TTN: variants seen among roughly 807,000 people sequenced by gnomAD.
TTN encodes the protein connectin.
In TTN, 1,525 loss-of-function variants were observed where a neutral mutation model predicts 3,223.0. That is an observed-to-expected ratio of 0.47 (90% CI 0.45 to 0.49). TTN has a LOEUF of 0.49. Among genes scored for constraint, TTN ranks in the 20% least tolerant of loss-of-function variants. The pLI is 0.00. For synonymous variants in TTN, 14,094 were observed against 15,161.0 expected (o/e 0.93, Z 5.17); for missense variants, 40,786 against 43,424.0 (o/e 0.94, Z 5.40).
chr2:178,562,788 A>G lies in TTN; in HGVS notation c.83344T>C (p.Ser27782Pro). Residue 27782 changes from serine to proline, a missense_variant, in exon 326 of 363, where the codon TCA (serine) becomes CCA (proline). Ser to Pro is a moderately conservative substitution (Grantham distance 74). Transcript: ENST00000589042. ...GGTGGTTCCCAGGACAACGTCACTGAGTCTTTCTTCACTTCTCTTATGGTC... is the reference window on the plus strand; with the variant it reads ...GGTGGTTCCCAGGACAACGTCACTGGGTCTTTCTTCACTTCTCTTATGGTC... Reference protein sequence around the residue: ...NLTIREVKKDSVTLSWEPPLI... With the variant: ...NLTIREVKKDPVTLSWEPPLI... 1 of 1,613,352 alleles carries G rather than the reference A, an allele frequency of 6.2e-7. No homozygotes were observed. Among genetic ancestry groups the G allele is most frequent in the South Asian group, 1.1e-5 (1 of 91,056 alleles).
rs756159925 is a variant in TTN, at chr2:178,751,000, T to G, written c.11311+2124A>C. Reference sequence around the variant, plus strand: ...TCATTCTTATTTCAGTCTGGAAAATTTCTTCATCAACAATAGTTTGAAAGC... The same window carrying G: ...TCATTCTTATTTCAGTCTGGAAAATGTCTTCATCAACAATAGTTTGAAAGC... On this transcript the variant is annotated intron_variant, in intron 47 of 362. Coordinates refer to ENST00000589042, the MANE Select transcript of TTN (RefSeq NM_001267550.2). 28 of 1,612,476 alleles carry G rather than the reference T, an allele frequency of 1.7e-5. No homozygotes were observed. The East Asian group carries it at 5.8e-4, about 33-fold the overall frequency.
Position 178,528,970 on chromosome 2 carries a change from G to T in TTN, c.106781C>A (p.Thr35594Asn), listed in dbSNP as rs756850637. 5.0e-6 allele frequency: 8 copies of T among 1,613,840 alleles called. No homozygotes were observed. The highest frequency in any genetic ancestry group is 6.8e-6 in the Non-Finnish European group (8 of 1,179,880). The change falls in exon 360 of 363, where the codon ACT (threonine) becomes AAT (asparagine). Residue 35594 changes from threonine (T) to asparagine (N), a missense_variant. By Grantham distance (65) the Thr-to-Asn change is moderately conservative. Transcript: ENST00000589042. ...TTCTTCTGATGCCTGTGATGTTTTAGTGATTTCCTCATGGACAATGGATTT... is the reference window on the plus strand; with the variant it reads ...TTCTTCTGATGCCTGTGATGTTTTATTGATTTCCTCATGGACAATGGATTT... ...LEKSIVHEEI[T>N]KTSQASEEVR...
rs756519457 is a variant in TTN at position 178,571,837 on chromosome 2, C to G, written c.74295G>C (p.Glu24765Asp). The G allele has an allele frequency of 1.9e-6, 3 of 1,613,440 alleles. No individual in the cohort carries two copies. The highest frequency in any genetic ancestry group is 3.3e-5 in the Admixed American group (2 of 59,978). Residue 24765 changes from glutamate (E) to aspartate (D), a missense_variant, in exon 326 of 363, where the codon GAG becomes GAC. Glu to Asp is a conservative substitution (Grantham distance 45). Transcript: ENST00000589042. Reference sequence around the variant, plus strand: ...TCAGTAGTGAATTATTTTCTGTGCTCTCTGCATTTACTCTAGTTGTCTGCT... The same window carrying G: ...TCAGTAGTGAATTATTTTCTGTGCTGTCTGCATTTACTCTAGTTGTCTGCT... ...PLKQTTRVNA[E>D]STENNSLLTI...
In TTN at chr2:178,730,075, G is replaced by A. The variant is rs1560781386; in HGVS notation, c.18307+18C>T. 1.9e-6 allele frequency: 3 copies of A among 1,604,380 alleles called. No individual in the cohort carries two copies. Among genetic ancestry groups the A allele is most frequent in the Admixed American group, 3.5e-5 (2 of 57,762 alleles). ...AAATCTAGACAAGCAAGAAAGTGAG[G>A]AGATGTAGAGACCAGACCTTTTACA... On this transcript the variant is annotated intron_variant, in intron 62 of 362. Coordinates refer to ENST00000589042, the MANE Select transcript of TTN (RefSeq NM_001267550.2).
chr2:178,605,275 G>A lies in TTN; in HGVS notation c.53902C>T (p.Arg17968Cys), dbSNP rs776785175. ...ATAGTGTCTCCTCGAACACTCAGACGCAACTTAATAGTTGGAGGCACTGCA... is the reference window on the plus strand; with the variant it reads ...ATAGTGTCTCCTCGAACACTCAGACACAACTTAATAGTTGGAGGCACTGCA... ...DDEVPPTIKL[R>C]LSVRGDTIKV... The change falls in exon 280 of 363, where the codon CGT becomes TGT. Residue 17968 changes from arginine (R) to cysteine (C), a missense_variant. Transcript: ENST00000589042. 8.2e-6 allele frequency: 13 copies of A among 1,587,968 alleles called. No homozygotes were observed. The highest frequency in any genetic ancestry group is 3.5e-5 in the Admixed American group (2 of 56,540).
At position 178,774,960 on chromosome 2, in the gene TTN, C is replaced by T. The variant is rs942953757; in HGVS notation, c.6751G>A (p.Asp2251Asn). The T allele has an allele frequency of 6.2e-7, 1 of 1,613,378 alleles. No individual in the cohort carries two copies. Among genetic ancestry groups the T allele is most frequent in the Non-Finnish European group, 8.5e-7 (1 of 1,179,752 alleles). The change falls in exon 29 of 363, where the codon GAT becomes AAT. Residue 2251 changes from aspartate to asparagine, a missense_variant. Asp to Asn is a conservative substitution (Grantham distance 23). Coordinates refer to ENST00000589042, the MANE Select transcript of TTN (RefSeq NM_001267550.2). ...AEDYSCVLVE[D>N]ENVKTTAKLI... Reference sequence around the variant, plus strand: ...TTAGCAGTCGTTTTGACATTTTCATCTTCCACAAGTACACAGCTGTAATCT... The same window carrying T: ...TTAGCAGTCGTTTTGACATTTTCATTTTCCACAAGTACACAGCTGTAATCT...
In TTN at chr2:178,746,560, C is replaced by T. The variant is rs753702628; in HGVS notation, c.11312-4639G>A. On this transcript the variant is annotated intron_variant, in intron 47 of 362. Coordinates refer to ENST00000589042, the MANE Select transcript of TTN (RefSeq NM_001267550.2). ...GATGTGTTACTGGAGGTGGTAGTGCCACCACTCTTTCTTCCTGGGGCATTA... is the reference window on the plus strand; with the variant it reads ...GATGTGTTACTGGAGGTGGTAGTGCTACCACTCTTTCTTCCTGGGGCATTA... 2.5e-6 allele frequency: 4 copies of T among 1,613,160 alleles called. No homozygotes were observed. In the South Asian group the frequency reaches 3.3e-5, roughly 13 times the overall value.
rs794729400 is a variant in TTN at position 178,706,692 on chromosome 2, T to A, written c.29182A>T (p.Asn9728Tyr). 1 of 1,613,400 alleles carries A rather than the reference T, an allele frequency of 6.2e-7. No individual in the cohort carries two copies. Among genetic ancestry groups the A allele is most frequent in the East Asian group, 2.2e-5 (1 of 44,880 alleles). ...IAKVGGDPIP[N>Y]VKWTKGKWRQ... The stretch of plus-strand genomic sequence containing the variant: ...CACTTCCCTTTTGTCCATTTAACAT[T>A]TGGGATTGGGTCACCTCCAACTTTT... Residue 9728 changes from asparagine to tyrosine, a missense_variant, in exon 102 of 363, where the codon AAT becomes TAT. Physicochemically the swap from Asn to Tyr is moderately radical, Grantham distance 143. Coordinates refer to ENST00000589042, the MANE Select transcript of TTN (RefSeq NM_001267550.2).
intron 12 of TTN, 99 bp downstream of exon 12, chr2:178,789,879 G>A (rs1009145582): frequency 1.3e-6 from 2 of 1,525,718 alleles, no homozygotes; most frequent in Admixed American, 1.7e-5. Flanking sequence ...GATTTTAAAA[G>A]GCAAATACAG....
chr2:178,744,625 CT>C lies in TTN; in HGVS notation c.11312-2705del, dbSNP rs953582449. On this transcript the variant is annotated intron_variant, in intron 47 of 362. Coordinates refer to ENST00000589042, the MANE Select transcript of TTN (RefSeq NM_001267550.2). ...TGAAACTGATAGGAAAGCTTGTTAT[CT>C]TGTTATTTATATATAATCTGAAATA... 1.0e-4 allele frequency: 95 copies of C among 945,088 alleles called. 2 individuals are homozygous for C. Among genetic ancestry groups the C allele is most frequent in the Non-Finnish European group, 6.0e-5 (48 of 793,476 alleles). The allele number at this position is 945,088 out of a possible 1,614,324, so 58.5% of individuals were successfully genotyped here.
At position 178,558,631 on chromosome 2, in the gene TTN, G is replaced by A. The variant is rs917359469; in HGVS notation, c.86828C>T (p.Pro28943Leu). 1.9e-6 allele frequency: 3 copies of A among 1,609,478 alleles called. No homozygotes were observed. In the African/African-American group the frequency reaches 4.0e-5, roughly 22 times the overall value. Residue 28943 changes from proline to leucine, a missense_variant, in exon 327 of 363, where the codon CCA becomes CTA. Transcript: ENST00000589042. The part of the protein sequence containing the change: ...TKEGVKITEK[P>L]SPPEKLGVTS... ...TACTCCAAGTTTTTCAGGTGGGCTT[G>A]GTTTTTCTAAGAAAACAAAGCATCA...
intron 102 of TTN, among the ~76,000 whole-genome samples, chr2:178,706,067 A>G (rs1458386112): frequency 6.6e-6 from 1 of 152,184 alleles, no homozygotes; most frequent in South Asian, 2.1e-4. Context: ...CTATATGCCT[A>G]TGTTCTTTAA....
In TTN at chr2:178,526,879, G is replaced by GAAC; in HGVS notation, c.*130_*132dup. On this transcript the variant is annotated 3_prime_UTR_variant, in exon 363 of 363. Coordinates refer to ENST00000589042, the MANE Select transcript of TTN (RefSeq NM_001267550.2). ...TGAAAAGATTGAAATGAATATTTTT[G>GAAC]AACTTTGACTCATTTAGGTTGATAC... 4.0e-6 allele frequency: 3 copies of GAAC among 746,628 alleles called. No individual in the cohort carries two copies. Among genetic ancestry groups the GAAC allele is most frequent in the Non-Finnish European group, 6.1e-6 (3 of 488,490 alleles). 46.3% of individuals were successfully genotyped at this position (746,628 alleles called of 1,614,324 possible).
At position 178,738,779 on chromosome 2, in the gene TTN, T is replaced by C. The variant is rs558302505; in HGVS notation, c.14092+362A>G. On this transcript the variant is annotated intron_variant, in intron 48 of 362. Transcript: ENST00000589042. ...GACAACTAATCATGGTTATTTTAAA[T>C]CTAAGGGTGAGACCAGTGATTTCAG... Among the ~76,000 whole-genome samples, 7 of 152,132 alleles carry C rather than the reference T, an allele frequency of 4.6e-5. No homozygotes were observed. The South Asian group carries it at 1.5e-3, about 32-fold the overall frequency.
In TTN at chr2:178,756,630, C is replaced by T. The variant is rs1035112005; in HGVS notation, c.10846G>A (p.Val3616Ile). The change falls in exon 46 of 363, where the codon GTA becomes ATA. Residue 3616 changes from valine to isoleucine, a missense_variant. By Grantham distance (29) the Val-to-Ile change is conservative (BLOSUM62 3). Transcript: ENST00000589042. ...YEYEVQVFES[V>I]SQSSIHTAAS... Reference sequence around the variant, plus strand: ...GCTGTGTGGATGGAACTTTGAGATACACTTTCAAAAACCTGCACTTCATAT... The same window carrying T: ...GCTGTGTGGATGGAACTTTGAGATATACTTTCAAAAACCTGCACTTCATAT... 1.2e-6 allele frequency: 2 copies of T among 1,613,712 alleles called. No individual in the cohort carries two copies. Among genetic ancestry groups the T allele is most frequent in the Non-Finnish European group, 1.7e-6 (2 of 1,179,756 alleles).
chr2:178,798,792 T>C (rs923417871), intron 6 of TTN: 2 of 152,326 alleles, frequency 1.3e-5, no homozygotes, highest in African/African-American at 4.8e-5. Context: ...GAGGAAGTGA[T>C]CCATATATAA....
Position 178,747,140 on chromosome 2 carries a change from G to T in TTN, c.11312-5219C>A, listed in dbSNP as rs2154326462. 6.8e-6 allele frequency: 11 copies of T among 1,606,110 alleles called. No homozygotes were observed. The South Asian group carries it at 1.1e-4, about 16-fold the overall frequency. On this transcript the variant is annotated intron_variant, in intron 47 of 362. Transcript: ENST00000589042. ...GTATCTCTCCAGAGTCTCTCCTGGG[G>T]GTGTGGAATATCTCTCTAGAGTCTC...
At chr2:178,731,242 C>T in intron 59 of TTN, 39 bp from the exon 60 acceptor site, 1 of 1,610,432 alleles carries the variant, frequency 6.2e-7, no homozygotes, top group Non-Finnish European at 8.5e-7. Flanking sequence ...TTGTGCATTA[C>T]CCTGCTGAAA....
At chr2:178,598,132 C>T in intron 292 of TTN, 74 bp from the exon 293 acceptor site, 2 of 1,492,598 alleles carry the variant, frequency 1.3e-6, no homozygotes, top group East Asian at 2.3e-5. Context: ...CTTCCTAAAG[C>T]ATCACCAGCA....
Sources: gnomAD v4.1 joint callset for allele counts (sites outside exome capture counted in the v4.1 genomes callset) on GRCh38, gnomAD v4.1.1 for gene constraint, MANE v1.5 for transcripts, NCBI Gene and HGNC (gene_info 2026-07-23, HGNC 2026-07-21) for gene names.